The following SRPX variants were observed in gnomAD, a reference collection of about 807,000 sequenced individuals.
SRPX encodes sushi repeat-containing protein SRPX.
In SRPX, 24 loss-of-function variants were observed where a neutral mutation model predicts 38.1. The ratio of observed to expected loss-of-function variants is 0.63; its 90% confidence interval spans 0.46 to 0.89. The LOEUF (loss-of-function observed/expected upper bound fraction) is 0.89. Among genes scored for constraint, SRPX ranks in the 40% least tolerant of loss-of-function variants. The probability of loss-of-function intolerance (pLI) is 0.00; values close to 1 mark genes in which losing one functional copy is unlikely to be tolerated. For synonymous variants in SRPX, 184 were observed against 153.8 expected (o/e 1.20, Z -1.45); for missense variants, 416 against 377.8 (o/e 1.10, Z -0.84).
chrX:38,183,434 C>T (rs1938708891), intron 1 of SRPX, among the ~76,000 whole-genome samples: 1 of 111,788 alleles, frequency 8.9e-6, no homozygotes, highest in African/African-American at 3.3e-5. Flanking sequence ...TATTTTCAGC[C>T]TGAGCTCATA....
intron 1 of SRPX, among the ~76,000 whole-genome samples, chrX:38,194,869 T>G (rs1292820540): frequency 4.5e-4 from 38 of 84,888 alleles, no homozygotes; most frequent in African/African-American, 1.7e-3. Flanking sequence ...TTTGGTTTTT[T>G]TTTTTTTTTT....
chrX:38,160,336 G>A (rs1362228446), intron 6 of SRPX, 140 bp from the exon 7 acceptor site: 9 of 582,102 alleles, frequency 1.5e-5, no homozygotes, highest in Non-Finnish European at 2.4e-5. Context: ...GAGGAGGGAT[G>A]ACTATTTGGT....
intron 8 of SRPX, among the ~76,000 whole-genome samples, chrX:38,156,688 G>GA (rs1191115816): frequency 8.9e-6 from 1 of 112,443 alleles, no homozygotes; most frequent in Non-Finnish European, 1.9e-5. Context: ...TCATTAGTTG[G>GA]AAAACGATTG....
intron 4 of SRPX, 30 bp downstream of exon 4, chrX:38,171,851 T>C: frequency 8.3e-7 from 1 of 1,205,151 alleles, no homozygotes; most frequent in Non-Finnish European, 1.1e-6. Context: ...CCAAAGCAAG[T>C]GCCTCCTAAG....
intron 7 of SRPX, 106 bp downstream of exon 7, chrX:38,159,911 G>T: frequency 4.5e-6 from 4 of 884,745 alleles, no homozygotes; most frequent in Non-Finnish European, 6.2e-6. Context: ...AAAGAGGGAT[G>T]GCCATGAACT....
At chrX:38,177,135 A>G (rs1938580094) in intron 2 of SRPX, among the ~76,000 whole-genome samples, 2 of 111,676 alleles carry the variant, frequency 1.8e-5, no homozygotes, top group African/African-American at 3.3e-5. Context: ...CAAGGGACTC[A>G]AAGAAAAAAA....
intron 8 of SRPX, 42 bp from the exon 9 acceptor site, chrX:38,154,625 T>TA: frequency 2.5e-6 from 3 of 1,197,335 alleles, no homozygotes; most frequent in Non-Finnish European, 3.4e-6. Flanking sequence ...TGAGCATGGC[T>TA]AAAAAAGACA....
chrX:38,150,805 C>T (rs970625592), intron 9 of SRPX, among the ~76,000 whole-genome samples: 6 of 112,128 alleles, frequency 5.4e-5, no homozygotes, highest in African/African-American at 1.9e-4. Context: ...GTTCTTTCTG[C>T]TCTACCACAC....
chrX:38,176,333 C>G lies in SRPX; in HGVS notation c.157+1952G>C, dbSNP rs565320847. Among the ~76,000 whole-genome samples the G allele has an allele frequency of 3.9e-4, 43 of 111,623 alleles. No individual in the cohort carries two copies. The South Asian group carries it at 0.016, about 42-fold the overall frequency. ...TATTCCAAGCAAAAGAATCAAAAGC[C>G]ATGCTTGCCACATACCAGGAGCACC... is the stretch of plus-strand genomic sequence containing the variant. On this transcript the variant is annotated intron_variant, in intron 2 of 9. Transcript: ENST00000378533.
At chrX:38,218,460 C>G (rs754241810) in intron 1 of SRPX, among the ~76,000 whole-genome samples, 1 of 112,242 alleles carries the variant, frequency 8.9e-6, no homozygotes, top group South Asian at 3.7e-4. Flanking sequence ...GATCAGAGAG[C>G]CAGAAAAGCT....
At chrX:38,201,928 G>C (rs1199072672) in intron 1 of SRPX, among the ~76,000 whole-genome samples, 1 of 112,081 alleles carries the variant, frequency 8.9e-6, no homozygotes, top group Non-Finnish European at 1.9e-5. Context: ...TGGGTACAGA[G>C]AGAGTTCCAG....
intron 3 of SRPX, among the ~76,000 whole-genome samples, chrX:38,172,986 G>C (rs1031990269): frequency 8.9e-6 from 1 of 112,388 alleles, no homozygotes; most frequent in African/African-American, 3.2e-5. Flanking sequence ...AAAGTACTCA[G>C]AAGCTGGGTA....
At chrX:38,194,825 T>G (rs1938964102) in intron 1 of SRPX, among the ~76,000 whole-genome samples, 2 of 108,666 alleles carry the variant, frequency 1.8e-5, no homozygotes, top group Admixed American at 2.0e-4. Context: ...GTCAAAAGCA[T>G]GCAAATGTAA....
chrX:38,159,891 C>T, intron 7 of SRPX, 126 bp downstream of exon 7: 2 of 748,968 alleles, frequency 2.7e-6, no homozygotes, highest in Non-Finnish European at 3.8e-6. Flanking sequence ...CTATGTTCAT[C>T]CACTCAGATA....
At chrX:38,203,415 A>G (rs189918152) in intron 1 of SRPX, among the ~76,000 whole-genome samples, 365 of 112,435 alleles carry the variant, frequency 3.2e-3, no homozygotes, top group African/African-American at 0.011. Context: ...TCAGCACTAT[A>G]CAGGTAATCC....
At chrX:38,198,751 A>T (rs1939045763) in intron 1 of SRPX, among the ~76,000 whole-genome samples, 1 of 111,953 alleles carries the variant, frequency 8.9e-6, no homozygotes, top group Admixed American at 9.4e-5. Flanking sequence ...TGGATGAGAA[A>T]GGTGACTCGT....
chrX:38,199,236 C>T (rs1279574190), intron 1 of SRPX, among the ~76,000 whole-genome samples: 1 of 111,013 alleles, frequency 9.0e-6, no homozygotes, highest in Non-Finnish European at 1.9e-5. Context: ...GAAACCCCGT[C>T]TCTACTAAAA....
At chrX:38,209,501 G>C (rs979479858) in intron 1 of SRPX, among the ~76,000 whole-genome samples, 2 of 111,944 alleles carry the variant, frequency 1.8e-5, no homozygotes, top group African/African-American at 6.5e-5. Context: ...GGAGTGAGCT[G>C]AGCTTTGAGA....
chrX:38,178,242 T>A, intron 2 of SRPX, 43 bp downstream of exon 2: 1 of 1,108,157 alleles, frequency 9.0e-7, no homozygotes, highest in Non-Finnish European at 1.2e-6. Context: ...AAAGTTCTCC[T>A]GGCACCAGCA....
Sources: allele counts gnomAD v4.1 joint callset (sites outside exome capture counted in the v4.1 genomes callset), GRCh38; gene constraint gnomAD v4.1.1; transcripts MANE v1.5; gene names NCBI Gene and HGNC (gene_info 2026-07-23, HGNC 2026-07-21).